Variants in AADAT observed in about 807,000 individuals in gnomAD.
The protein encoded by AADAT is kynurenine/alpha-aminoadipate aminotransferase, mitochondrial.
A neutral mutation model predicts 56.2 loss-of-function variants in AADAT; 25 were observed. The ratio of observed to expected loss-of-function variants is 0.44; its 90% CI spans 0.32 to 0.62. The LOEUF (loss-of-function observed/expected upper bound fraction) is 0.62. AADAT is among the 20% of genes least tolerant of loss of function. The probability of loss-of-function intolerance (pLI) is 0.04; values close to 1 mark genes in which losing one functional copy is unlikely to be tolerated. For synonymous variants in AADAT, 173 were observed against 164.7 expected (o/e 1.05, Z -0.39); for missense variants, 387 against 510.5 (o/e 0.76, Z 2.33).
At chr4:170,090,348 C>T (rs754966707), upstream of AADAT, 3 of 152,362 alleles carry the variant, frequency 2.0e-5, no homozygotes, top group Admixed American at 1.3e-4. Context: ...TTCCCGCGCG[C>T]TCCGCTGGCC....
intron 5 of AADAT, among the ~76,000 whole-genome samples, 181 bp downstream of exon 5, chr4:170,072,955 A>G (rs374471110): frequency 6.6e-6 from 1 of 152,222 alleles, no homozygotes; most frequent in East Asian, 1.9e-4. Flanking sequence ...AACTAATGAA[A>G]GATGCAGAAA....
chr4:170,065,657 C>T (rs1041294352), intron 10 of AADAT, among the ~76,000 whole-genome samples: 9 of 151,984 alleles, frequency 5.9e-5, no homozygotes, highest in African/African-American at 2.2e-4. Context: ...CCCGCCATCA[C>T]GCCCAGCTAA....
At position 170,089,802 on chromosome 4, in the gene AADAT, G is replaced by T; in HGVS notation, c.-112C>A. 2.8e-6 allele frequency: 3 copies of T among 1,083,794 alleles called. No homozygotes were observed. The highest frequency in any genetic ancestry group is 1.4e-5 in the South Asian group (1 of 70,302). 67.1% of individuals were successfully genotyped at this position (1,083,794 alleles called of 1,614,324 possible). The stretch of plus-strand genomic sequence containing the variant: ...CTCCTCACTCTGGCAACGCCACCGC[G>T]AGATGTGTCCCCCCGCTGCGTCTGG... On this transcript the variant is annotated 5_prime_UTR_variant, in exon 1 of 13. Coordinates refer to ENST00000337664, the MANE Select transcript of AADAT (RefSeq NM_016228.4).
rs745937578 is a variant in AADAT, at chr4:170,067,368, T to C, written c.921A>G (p.Leu307=). Residue 307 remains leucine (L), a synonymous_variant, in exon 9 of 13, where the codon CTA becomes CTG. Coordinates refer to ENST00000337664, the MANE Select transcript of AADAT (RefSeq NM_016228.4). The part of the protein sequence containing the change: ...TFNQLMISQL[L]HEWGEEGFMA... ...TGAAACCTTCTTCTCCCCATTCGTG[T>C]AGAAGCTGTGATATCATGAGCTAAA... is the stretch of plus-strand genomic sequence containing the variant. 1.9e-6 allele frequency: 3 copies of C among 1,613,494 alleles called. No homozygotes were observed. The highest frequency in any genetic ancestry group is 1.7e-5 in the Admixed American group (1 of 59,970).
chr4:170,072,124 C>T (rs891249560), intron 5 of AADAT, among the ~76,000 whole-genome samples: 7 of 151,860 alleles, frequency 4.6e-5, no homozygotes, highest in African/African-American at 1.5e-4. Flanking sequence ...TAGACAGCTA[C>T]GAAACTGGAC....
intron 9 of AADAT, 51 bp from the exon 10 acceptor site, chr4:170,066,529 A>G (rs761180610): frequency 2.3e-6 from 3 of 1,332,476 alleles, no homozygotes; most frequent in Non-Finnish European, 3.2e-6. Context: ...TGATTGCAGA[A>G]GCAAAACAGT....
At position 170,089,800 on chromosome 4, in the gene AADAT, G is replaced by C; in HGVS notation, c.-110C>G. ...AACTCCTCACTCTGGCAACGCCACCGCGAGATGTGTCCCCCCGCTGCGTCT... is the reference window on the plus strand; with the variant it reads ...AACTCCTCACTCTGGCAACGCCACCCCGAGATGTGTCCCCCCGCTGCGTCT... On this transcript the variant is annotated 5_prime_UTR_variant, in exon 1 of 13. Coordinates refer to ENST00000337664, the MANE Select transcript of AADAT (RefSeq NM_016228.4). The C allele has an allele frequency of 9.1e-7, 1 of 1,098,150 alleles. No individual in the cohort carries two copies. The highest frequency in any genetic ancestry group is 1.3e-6 in the Non-Finnish European group (1 of 744,964). The allele number at this position is 1,098,150 out of a possible 1,614,324, so 68.0% of individuals were successfully genotyped here.
At chr4:170,084,905 G>A (rs975642257) in intron 3 of AADAT, among the ~76,000 whole-genome samples, 11 of 152,156 alleles carry the variant, frequency 7.2e-5, no homozygotes, top group African/African-American at 2.4e-4. Context: ...ACATAGATTT[G>A]AACTGCACAG....
In AADAT at chr4:170,061,617, T is replaced by C. The variant is rs570005346; in HGVS notation, c.1236+275A>G. Among the ~76,000 whole-genome samples the C allele has an allele frequency of 2.0e-5, 3 of 152,332 alleles. No homozygotes were observed. The South Asian group carries it at 6.2e-4, about 32-fold the overall frequency. ...ATTCAATAAAGGAAGGAAAGAAGTT[T>C]TCCTCATAACATGACAATTTACGCA... On this transcript the variant is annotated intron_variant, in intron 12 of 12. Transcript: ENST00000337664.
At chr4:170,062,870 C>G (rs372366939) in intron 11 of AADAT, among the ~76,000 whole-genome samples, 2 of 152,148 alleles carry the variant, frequency 1.3e-5, no homozygotes, top group African/African-American at 4.8e-5. Context: ...TGTAAGAAAC[C>G]CGGGTCTCTG....
At chr4:170,078,623 G>C (rs2111189829) in intron 3 of AADAT, 40 bp from the exon 4 acceptor site, 1 of 1,412,088 alleles carries the variant, frequency 7.1e-7, no homozygotes, top group Non-Finnish European at 9.8e-7. Context: ...AGTCAGCATA[G>C]GTTAGTACTG....
At chr4:170,066,594 G>A (rs563254595) in intron 9 of AADAT, 116 bp from the exon 10 acceptor site, 1 of 740,868 alleles carries the variant, frequency 1.3e-6, no homozygotes, top group Non-Finnish European at 2.4e-6. Flanking sequence ...AATGTTGAAT[G>A]CTTGATAGAA....
At chr4:170,090,031 C>T (rs1561027401), upstream of AADAT, 1 of 155,428 alleles carries the variant, frequency 6.4e-6, no homozygotes, top group Non-Finnish European at 1.4e-5. Flanking sequence ...GCGCCGTGGC[C>T]TATGGCCGCC....
chr4:170,077,040 A>T (rs1380590776), intron 4 of AADAT, among the ~76,000 whole-genome samples: 1 of 152,158 alleles, frequency 6.6e-6, no homozygotes, highest in Non-Finnish European at 1.5e-5. Context: ...CTGGATGCTC[A>T]GTTCTATTCT....
chr4:170,071,711 G>A (rs1731771877), intron 5 of AADAT, among the ~76,000 whole-genome samples: 1 of 152,178 alleles, frequency 6.6e-6, no homozygotes, highest in African/African-American at 2.4e-5. Flanking sequence ...AGCTGGTGTA[G>A]TGAAGAAGGC....
chr4:170,093,018 A>G (rs1331142035), upstream of AADAT, among the ~76,000 whole-genome samples: 2 of 152,236 alleles, frequency 1.3e-5, no homozygotes, highest in Non-Finnish European at 2.9e-5. Context: ...AATAAGGTGT[A>G]GATCAAGGTA....
At chr4:170,076,710 CT>C (rs1226493937) in intron 4 of AADAT, among the ~76,000 whole-genome samples, 1 of 152,132 alleles carries the variant, frequency 6.6e-6, no homozygotes, top group Non-Finnish European at 1.5e-5. Context: ...TACACAACCA[CT>C]TTTAAATCTT....
intron 3 of AADAT, among the ~76,000 whole-genome samples, chr4:170,084,190 T>A (rs1320574142): frequency 6.6e-6 from 1 of 152,040 alleles, no homozygotes; most frequent in Admixed American, 6.6e-5. Context: ...AAAGTGGATC[T>A]CATAAGGATA....
At chr4:170,092,347 C>G (rs577902110), upstream of AADAT, among the ~76,000 whole-genome samples, 2 of 152,232 alleles carry the variant, frequency 1.3e-5, no homozygotes, top group African/African-American at 4.8e-5. Context: ...GAGGAGTAAA[C>G]AAATCCAGCC....
Sources: gnomAD v4.1 joint callset for allele counts (sites outside exome capture counted in the v4.1 genomes callset) on GRCh38, gnomAD v4.1.1 for gene constraint, MANE v1.5 for transcripts, NCBI Gene and HGNC (gene_info 2026-07-23, HGNC 2026-07-21) for gene names.